The following CHODL variants were observed in gnomAD, a reference collection of about 807,000 sequenced individuals.
CHODL encodes transmembrane protein MT75.
In CHODL, 29 loss-of-function variants were observed where a neutral mutation model predicts 34.5. The ratio of observed to expected loss-of-function variants is 0.84; its 90% CI spans 0.63 to 1.15. The LOEUF (loss-of-function observed/expected upper bound fraction) is 1.15. Among genes scored for constraint, CHODL ranks in the 50% most tolerant of loss-of-function variants. CHODL has a pLI of 0.00. For synonymous variants in CHODL, 125 were observed against 116.1 expected, an observed-to-expected ratio of 1.08 and a Z score of -0.49; for missense variants, 332 against 332.5, an observed-to-expected ratio of 1.00 and a Z score of 0.01.
At chr21:18,049,049 T>C (rs1194670387) in intron 2 of CHODL, among the ~76,000 whole-genome samples, 1 of 151,950 alleles carries the variant, frequency 6.6e-6, no homozygotes, top group Non-Finnish European at 1.5e-5. Context: ...CAATACAAAA[T>C]TAGTATTTTC....
chr21:18,151,481 T>C (rs2072968166), intron 2 of CHODL, among the ~76,000 whole-genome samples: 1 of 152,228 alleles, frequency 6.6e-6, no homozygotes, highest in African/African-American at 2.4e-5. Context: ...TCCTCATCTG[T>C]ATCCTTTGTA....
chr21:17,927,120 A>G (rs1331951397), intron 1 of CHODL, among the ~76,000 whole-genome samples: 2 of 117,438 alleles, frequency 1.7e-5, no homozygotes, highest in South Asian at 3.1e-4. Flanking sequence ...ATATATGTAT[A>G]TATGTATATA....
chr21:17,984,954 G>A (rs1027648613), intron 1 of CHODL, among the ~76,000 whole-genome samples: 1 of 151,976 alleles, frequency 6.6e-6, no homozygotes, highest in African/African-American at 2.4e-5. Flanking sequence ...AGTTTTGCAG[G>A]AATATCGCAA....
At chr21:18,184,929 C>G (rs974840353) in intron 2 of CHODL, among the ~76,000 whole-genome samples, 1 of 152,344 alleles carries the variant, frequency 6.6e-6, no homozygotes, top group Middle Eastern at 3.4e-3. Context: ...GTTGCAAATA[C>G]TACTCACAGC....
rs192831390 is a variant in CHODL, at chr21:18,058,885, G to T, written c.-45+30914G>T. Among the ~76,000 whole-genome samples the T allele has an allele frequency of 1.2e-4, 18 of 152,190 alleles. No individual in the cohort carries two copies. The East Asian group carries it at 3.5e-3, about 29-fold the overall frequency. On this transcript the variant is annotated intron_variant, in intron 2 of 6. Coordinates refer to the CHODL transcript ENST00000400127. ...AATGGGCAAGATTCAGTGCCTGATT[G>T]TCTTTTTCCCCTTGTTTTGTACTCT...
chr21:18,175,741 A>G (rs1243435516), intron 2 of CHODL, among the ~76,000 whole-genome samples: 1 of 152,220 alleles, frequency 6.6e-6, no homozygotes. Flanking sequence ...GAGAGTATCA[A>G]AAGAGAGGCT....
chr21:18,265,924 G>A (rs1024414150), intron 5 of CHODL, 30 bp from the exon 6 acceptor site: 3 of 1,585,176 alleles, frequency 1.9e-6, no homozygotes, highest in Non-Finnish European at 2.6e-6. Context: ...GAAATTTTAG[G>A]CACTAAACAT....
chr21:18,129,614 C>G (rs1194494515), intron 2 of CHODL, among the ~76,000 whole-genome samples: 1 of 152,150 alleles, frequency 6.6e-6, no homozygotes, highest in East Asian at 1.9e-4. Flanking sequence ...ATCCTAACAT[C>G]ATCTGGCATT....
At chr21:18,203,242 T>A (rs2073675135) in intron 2 of CHODL, among the ~76,000 whole-genome samples, 1 of 152,184 alleles carries the variant, frequency 6.6e-6, no homozygotes, top group Non-Finnish European at 1.5e-5. Context: ...CAAAGATCTG[T>A]AGGAACCATT....
At chr21:18,000,176 G>A (rs896128239) in intron 1 of CHODL, among the ~76,000 whole-genome samples, 2 of 152,068 alleles carry the variant, frequency 1.3e-5, no homozygotes, top group Non-Finnish European at 2.9e-5. Context: ...GAACATGACT[G>A]TAATCAATAT....
At chr21:18,238,862 C>T (rs57781755) in intron 2 of CHODL, among the ~76,000 whole-genome samples, 45,796 of 151,878 alleles carry the variant, frequency 0.3, 8,750 homozygotes, top group African/African-American at 0.55. Flanking sequence ...AAAAACATTA[C>T]TTCTGATTTT....
intron 2 of CHODL, among the ~76,000 whole-genome samples, chr21:18,229,878 A>G (rs962414209): frequency 6.6e-6 from 1 of 152,156 alleles, no homozygotes; most frequent in African/African-American, 2.4e-5. Flanking sequence ...ACACGAAAGG[A>G]TAATCTTCGC....
At chr21:17,974,869 TCAAA>T (rs2146366720) in intron 1 of CHODL, among the ~76,000 whole-genome samples, 1 of 150,106 alleles carries the variant, frequency 6.7e-6, no homozygotes, top group South Asian at 2.1e-4. Flanking sequence ...TTGCCAAATG[TCAAA>T]CAATTTTATA....
At chr21:17,980,575 A>G (rs1025123838) in intron 1 of CHODL, among the ~76,000 whole-genome samples, 2 of 152,160 alleles carry the variant, frequency 1.3e-5, no homozygotes, top group African/African-American at 4.8e-5. Flanking sequence ...TAGTTGGAGG[A>G]GAGAGAGTGA....
intron 2 of CHODL, among the ~76,000 whole-genome samples, chr21:18,050,126 A>AG (rs2146466976): frequency 6.6e-6 from 1 of 152,064 alleles, no homozygotes; most frequent in Non-Finnish European, 1.5e-5. Flanking sequence ...TGAGGGTGGG[A>AG]GAAAAAGGGT....
chr21:18,030,072 T>C lies in CHODL; in HGVS notation c.-45+2101T>C, dbSNP rs572779310. On this transcript the variant is annotated intron_variant, in intron 2 of 6. Transcript: ENST00000400127. ...AGTGATCCCTCCCCACTGATTCTTGTGCCCTCGAGTAATCTTCTCTCTTTG... is the reference window on the plus strand; with the variant it reads ...AGTGATCCCTCCCCACTGATTCTTGCGCCCTCGAGTAATCTTCTCTCTTTG... 9.2e-5 allele frequency among the ~76,000 whole-genome samples: 14 copies of C among 152,264 alleles called. No individual in the cohort carries two copies. In the South Asian group the frequency reaches 2.9e-3, roughly 32 times the overall value.
chr21:18,193,712 A>AAAATAAAT (rs199894126), intron 2 of CHODL, among the ~76,000 whole-genome samples: 293 of 139,336 alleles, frequency 2.1e-3, no homozygotes, highest in Middle Eastern at 0.011. Context: ...AAAAAAAAAT[A>AAAATAAAT]AAATAAATAA....
chr21:17,922,622 A>G (rs2146310599), intron 1 of CHODL, among the ~76,000 whole-genome samples: 1 of 152,322 alleles, frequency 6.6e-6, no homozygotes, highest in African/African-American at 2.4e-5. Context: ...TATTACTGCT[A>G]TTTATGTGGA....
chr21:17,958,689 A>G (rs185276567), intron 1 of CHODL, among the ~76,000 whole-genome samples: 277 of 152,294 alleles, frequency 1.8e-3, no homozygotes, highest in Non-Finnish European at 3.3e-3. Flanking sequence ...AGAAAGTAGG[A>G]GTCTAAGATG....
Sources: gnomAD v4.1 joint callset for allele counts (sites outside exome capture counted in the v4.1 genomes callset) on GRCh38, gnomAD v4.1.1 for gene constraint, MANE v1.5 for transcripts, NCBI Gene and HGNC (gene_info 2026-07-23, HGNC 2026-07-21) for gene names.